PCDH19: variants seen among roughly 807,000 people sequenced by gnomAD.
The protein encoded by PCDH19 is protocadherin-19.
PCDH19 carries 6 observed loss-of-function variants against 46.2 expected under a neutral mutation model. That is an observed-to-expected ratio of 0.13 (90% confidence interval 0.07 to 0.26). PCDH19 has a LOEUF of 0.26. Ranked by LOEUF, PCDH19 falls within the 10% of genes least tolerant of loss-of-function variation. The pLI, the probability that PCDH19 is intolerant of heterozygous loss-of-function variation, is 1.00. For synonymous variants in PCDH19, 481 were observed against 415.7 expected, an observed-to-expected ratio of 1.16 and a Z score of -1.91; for missense variants, 740 against 972.3, an observed-to-expected ratio of 0.76 and a Z score of 3.18.
rs142324613 is a variant in PCDH19, at chrX:100,312,882, G to A, written c.2849-16007C>T. 5.5e-3 allele frequency among the ~76,000 whole-genome samples: 611 copies of A among 111,053 alleles called. 2 individuals are homozygous for A. Among genetic ancestry groups the A allele is most frequent in the Middle Eastern group, 0.037 (8 of 217 alleles). On this transcript the variant is annotated intron_variant, in intron 5 of 5. Coordinates refer to ENST00000373034, the MANE Select transcript of PCDH19 (RefSeq NM_001184880.2). The stretch of plus-strand genomic sequence containing the variant: ...AGTTAACTCGAGCCTTTGCACGTAG[G>A]AGTAGCAGAAGGCTCTCTGGTTGAG...
chrX:100,352,501 C>T (rs533407706), intron 3 of PCDH19, among the ~76,000 whole-genome samples: 1 of 112,478 alleles, frequency 8.9e-6, no homozygotes. Flanking sequence ...GGACCTGTGT[C>T]CCCACCCAAA....
At chrX:100,377,184 G>T (rs967456510) in intron 3 of PCDH19, among the ~76,000 whole-genome samples, 2 of 111,972 alleles carry the variant, frequency 1.8e-5, no homozygotes, top group Admixed American at 1.9e-4. Context: ...TGTTAAAAGA[G>T]TTTGTTAAGA....
In PCDH19 at chrX:100,307,959, C is replaced by A. The variant is rs776667687; in HGVS notation, c.2849-11084G>T. Among the ~76,000 whole-genome samples the A allele has an allele frequency of 2.7e-5, 3 of 111,222 alleles. No individual in the cohort carries two copies. In the South Asian group the frequency reaches 1.1e-3, roughly 42 times the overall value. ...GGTAGAATCAATATTGTGAAAACGA[C>A]CATACAGCCAAAAGCAATCTACAAG... On this transcript the variant is annotated intron_variant, in intron 5 of 5. Transcript: ENST00000373034.
rs1464721591 is a variant in PCDH19 at position 100,294,562 on chromosome X, T to C, written c.*1715A>G. 3 of 109,308 alleles carry C rather than the reference T, an allele frequency of 2.7e-5. No homozygotes were observed. 9.0% of individuals were successfully genotyped at this position (109,308 alleles called of 1,213,427 possible). ...AAAGAGCTGACTTATCTACCTAAAC[T>C]TAAGAAAATAAATCCTCTTTTGCAT... On this transcript the variant is annotated 3_prime_UTR_variant, in exon 6 of 6. Transcript: ENST00000373034.
At chrX:100,400,758 G>A (rs1247854102) in intron 3 of PCDH19, among the ~76,000 whole-genome samples, 2 of 112,209 alleles carry the variant, frequency 1.8e-5, no homozygotes, top group Non-Finnish European at 3.8e-5. Context: ...TAATTCTGAT[G>A]GGAATTATTG....
At chrX:100,405,050 ATTC>A (rs1332350590) in intron 1 of PCDH19, among the ~76,000 whole-genome samples, 2 of 112,454 alleles carry the variant, frequency 1.8e-5, no homozygotes, top group Non-Finnish European at 3.7e-5. Context: ...CCTGATTGAT[ATTC>A]ATGTGTGGTT....
At chrX:100,332,881 G>A (rs994139482) in intron 5 of PCDH19, among the ~76,000 whole-genome samples, 3 of 107,844 alleles carry the variant, frequency 2.8e-5, no homozygotes, top group Non-Finnish European at 5.7e-5. Context: ...ATGCACCTAT[G>A]GTCCCAGCTA....
In PCDH19 at chrX:100,407,134, G is replaced by T; in HGVS notation, c.1464C>A (p.Val488=). Residue 488 remains valine (V), a synonymous_variant, in exon 1 of 6, where the codon GTC becomes GTA. Coordinates refer to ENST00000373034, the MANE Select transcript of PCDH19 (RefSeq NM_001184880.2). ...RDPDLGLNGS[V]SYQIVPSQVR... ...CCTGCGACGGCACGATCTGGTAGGAGACACTGCCGTTGAGACCCAGGTCGG... is the reference window on the plus strand; with the variant it reads ...CCTGCGACGGCACGATCTGGTAGGATACACTGCCGTTGAGACCCAGGTCGG... 8.2e-7 allele frequency: 1 copy of T among 1,212,229 alleles called. No homozygotes were observed. Among genetic ancestry groups the T allele is most frequent in the Non-Finnish European group, 1.1e-6 (1 of 895,577 alleles).
intron 5 of PCDH19, among the ~76,000 whole-genome samples, chrX:100,331,197 C>T (rs1437823220): frequency 8.9e-6 from 1 of 112,170 alleles, no homozygotes; most frequent in Non-Finnish European, 1.9e-5. Context: ...ACATTGACAC[C>T]TGCACACACA....
intron 5 of PCDH19, among the ~76,000 whole-genome samples, chrX:100,332,976 T>C (rs761461279): frequency 9.6e-6 from 1 of 104,061 alleles, no homozygotes; most frequent in South Asian, 4.5e-4. Context: ...CAGTCCAGCC[T>C]GGGTGACAGA....
At chrX:100,406,131 C>T (rs1476611427) in intron 1 of PCDH19, among the ~76,000 whole-genome samples, 1 of 111,411 alleles carries the variant, frequency 9.0e-6, no homozygotes, top group African/African-American at 3.3e-5. Flanking sequence ...CTCTCTCCCC[C>T]TCCCTCTCTC....
At chrX:100,341,221 C>G (rs1305280584) in intron 5 of PCDH19, among the ~76,000 whole-genome samples, 1 of 111,900 alleles carries the variant, frequency 8.9e-6, no homozygotes, top group Non-Finnish European at 1.9e-5. Context: ...ATAGACTCTT[C>G]TTCATACATG....
Position 100,296,553 on chromosome X carries a change from A to G in PCDH19, c.3171T>C (p.Asn1057=), listed in dbSNP as rs1278290825. 23 of 1,209,213 alleles carry G rather than the reference A, an allele frequency of 1.9e-5. No individual in the cohort carries two copies. Among genetic ancestry groups the G allele is most frequent in the Non-Finnish European group, 2.5e-5 (22 of 894,982 alleles). The stretch of plus-strand genomic sequence containing the variant: ...TGACAGGGCTAATCGCCTCACAGCC[A>G]TTGCCTGCCTCCCGGATAACGCTGT... ...KVNSVIREAG[N]GCEAISPVTS... is the part of the protein sequence containing the mutation. Residue 1057 remains asparagine, a synonymous_variant, in exon 6 of 6, where the codon AAT becomes AAC. Transcript: ENST00000373034.
chrX:100,347,783 C>A lies in PCDH19; in HGVS notation c.2675+2863G>T, dbSNP rs144879055. On this transcript the variant is annotated intron_variant, in intron 4 of 5. Coordinates refer to ENST00000373034, the MANE Select transcript of PCDH19 (RefSeq NM_001184880.2). ...CATGGATAGAAAAATAAGTTCTCAG[C>A]CAGGCACGGTGGCTCACACCTGTAA... 2.6e-4 allele frequency among the ~76,000 whole-genome samples: 29 copies of A among 110,920 alleles called. No individual in the cohort carries two copies. In the East Asian group the frequency reaches 7.9e-3, roughly 30 times the overall value.
rs193148631 is a variant in PCDH19, at chrX:100,341,955, G to A, written c.2796C>T (p.Asn932=). 3.3e-3 allele frequency: 3,937 copies of A among 1,207,622 alleles called. 6 individuals are homozygous for A. Among genetic ancestry groups the A allele is most frequent in the Middle Eastern group, 7.4e-3 (32 of 4,340 alleles). Reference sequence around the variant, plus strand: ...AGGTCACACTGGTGTTCAGCACATCGTTGACAGCAGTATCACAATACAGGC... The same window carrying A: ...AGGTCACACTGGTGTTCAGCACATCATTGACAGCAGTATCACAATACAGGC... ...QRSLYCDTAV[N]DVLNTSVTSM... Residue 932 remains asparagine, a synonymous_variant, in exon 5 of 6, where the codon AAC becomes AAT. Transcript: ENST00000373034.
At position 100,370,965 on chromosome X, in the gene PCDH19, T is replaced by C. The variant is rs564159122; in HGVS notation, c.2617-20261A>G. On this transcript the variant is annotated intron_variant, in intron 3 of 5. Coordinates refer to ENST00000373034, the MANE Select transcript of PCDH19 (RefSeq NM_001184880.2). ...TACACCAAATCAAAAGGTCATTTGT[T>C]TTCCAAAGAATACAACAGTGTGTGT... 1.5e-4 allele frequency among the ~76,000 whole-genome samples: 16 copies of C among 105,837 alleles called. 1 individual carries two copies. In the South Asian group the frequency reaches 3.6e-3, roughly 24 times the overall value. The allele number at this position is 105,837 out of a possible 115,157, so 91.9% of individuals were successfully genotyped here.
intron 5 of PCDH19, among the ~76,000 whole-genome samples, chrX:100,326,518 C>T (rs1055440929): frequency 4.5e-5 from 5 of 111,237 alleles, no homozygotes; most frequent in African/African-American, 1.6e-4. Context: ...CATTTAAGAA[C>T]CGTGAAGCAA....
intron 5 of PCDH19, among the ~76,000 whole-genome samples, chrX:100,303,881 G>A (rs1924861959): frequency 8.9e-6 from 1 of 112,362 alleles, no homozygotes; most frequent in South Asian, 3.7e-4. Context: ...GGGAAAGGAT[G>A]CCAGCACTGA....
intron 5 of PCDH19, among the ~76,000 whole-genome samples, chrX:100,308,326 A>G (rs925922029): frequency 3.8e-4 from 42 of 111,562 alleles, no homozygotes; most frequent in African/African-American, 1.3e-3. Flanking sequence ...GATCATTGAC[A>G]AGTCACACTT....
Sources: gnomAD v4.1 joint callset for allele counts (sites outside exome capture counted in the v4.1 genomes callset) on GRCh38, gnomAD v4.1.1 for gene constraint, MANE v1.5 for transcripts, NCBI Gene and HGNC (gene_info 2026-07-23, HGNC 2026-07-21) for gene names.